The following TRPM4 variants were observed in gnomAD, a reference collection of about 807,000 sequenced individuals.
TRPM4 encodes the protein transient receptor potential cation channel subfamily M member 4.
Under a neutral mutation model 135.6 loss-of-function variants are expected in TRPM4, and 124 were observed. That is an observed-to-expected ratio of 0.91 (90% CI 0.79 to 1.06). TRPM4 has a LOEUF of 1.06. Ranked by LOEUF, TRPM4 falls within the 50% of genes least tolerant of loss-of-function variation. The probability of loss-of-function intolerance (pLI) is 0.00; values close to 1 mark genes in which losing one functional copy is unlikely to be tolerated. For synonymous variants in TRPM4, 745 were observed against 705.6 expected, an observed-to-expected ratio of 1.06 and a Z score of -0.88; for missense variants, 1,658 against 1,671.4, an observed-to-expected ratio of 0.99 and a Z score of 0.14.
At chr19:49,193,101 G>A in intron 16 of TRPM4, among the ~76,000 whole-genome samples, 1 of 123,760 alleles carries the variant, frequency 8.1e-6, no homozygotes, top group Non-Finnish European at 1.7e-5. Context: ...TTTTTTTTGA[G>A]ATGGAGTCTT....
intron 12 of TRPM4, 134 bp downstream of exon 12, chr19:49,183,346 A>G: frequency 1.9e-6 from 2 of 1,061,398 alleles, no homozygotes; most frequent in South Asian, 1.3e-5. Context: ...TCGCTGATAT[A>G]TGCCTCCAAC....
rs780497413 is a variant in TRPM4 at position 49,181,308 on chromosome 19, C to T, written c.1151-41C>T. 4 of 1,450,380 alleles carry T rather than the reference C, an allele frequency of 2.8e-6. No individual in the cohort carries two copies. The South Asian group carries it at 4.6e-5, about 17-fold the overall frequency. 89.8% of individuals were successfully genotyped at this position (1,450,380 alleles called of 1,614,324 possible). ...AATAGACATTCAGCAGATGTCCCTCCTCCCCTGACTTCTTGTCCCCTCTCC... is the reference window on the plus strand; with the variant it reads ...AATAGACATTCAGCAGATGTCCCTCTTCCCCTGACTTCTTGTCCCCTCTCC... On this transcript the variant is annotated intron_variant, in intron 9 of 24. Transcript: ENST00000252826.
At chr19:49,161,052 A>G (rs971188794) in intron 2 of TRPM4, among the ~76,000 whole-genome samples, 6 of 151,994 alleles carry the variant, frequency 3.9e-5, no homozygotes, top group African/African-American at 4.8e-5. Context: ...GCTGAGTGCA[A>G]TGTGGGAATC....
chr19:49,198,041 G>A (rs1368328774), intron 17 of TRPM4, among the ~76,000 whole-genome samples: 1 of 152,080 alleles, frequency 6.6e-6, no homozygotes, highest in Admixed American at 6.6e-5. Context: ...ATGGTTGACA[G>A]TGATGACAGT....
Position 49,168,032 on chromosome 19 carries a change from C to T in TRPM4, c.383C>T (p.Pro128Leu), listed in dbSNP as rs577218535. 2 of 1,613,114 alleles carry T rather than the reference C, an allele frequency of 1.2e-6. No homozygotes were observed. The highest frequency in any genetic ancestry group is 2.7e-5 in the African/African-American group (2 of 75,052). Reference protein sequence around the residue: ...VVSVLGGSGGPVLQTWLQDLL... With the variant: ...VVSVLGGSGGLVLQTWLQDLL... ...TCAGTGCTGGGGGGATCGGGGGGCC[C>T]CGTCCTCCAGACCTGGCTGCAGGAC... The change falls in exon 4 of 25, where the codon CCC (proline) becomes CTC (leucine). Residue 128 changes from proline to leucine, a missense_variant. By Grantham distance (98) the Pro-to-Leu change is moderately conservative. Coordinates refer to ENST00000252826, the MANE Select transcript of TRPM4 (RefSeq NM_017636.4).
intron 9 of TRPM4, among the ~76,000 whole-genome samples, chr19:49,179,291 G>A (rs147508558): frequency 1.5e-3 from 224 of 151,536 alleles, no homozygotes; most frequent in African/African-American, 5.1e-3. Flanking sequence ...CTGACCTCAG[G>A]TGATTCGCCC....
chr19:49,167,209 G>C (rs1419914869), intron 3 of TRPM4, among the ~76,000 whole-genome samples: 1 of 137,804 alleles, frequency 7.3e-6, no homozygotes, highest in Non-Finnish European at 1.5e-5. Flanking sequence ...CTCTCTCTCT[G>C]GGTCTCTGTC....
intron 2 of TRPM4, among the ~76,000 whole-genome samples, chr19:49,160,807 C>T (rs780214522): frequency 3.3e-5 from 5 of 151,144 alleles, no homozygotes; most frequent in Non-Finnish European, 7.4e-5. Context: ...AGCGTCTGAG[C>T]GGGAGGGGTA....
chr19:49,170,419 C>T (rs1030290816), intron 6 of TRPM4, among the ~76,000 whole-genome samples: 3 of 151,738 alleles, frequency 2.0e-5, no homozygotes, highest in Non-Finnish European at 4.4e-5. Context: ...GAACTCTTGA[C>T]CTCAGGTGAT....
intron 20 of TRPM4, 102 bp downstream of exon 20, chr19:49,202,243 A>T: frequency 7.3e-7 from 1 of 1,374,132 alleles, no homozygotes. Context: ...TAGTCCCTGA[A>T]CTCTGATCCA....
chr19:49,196,729 A>C lies in TRPM4; in HGVS notation c.2500A>C (p.Ser834Arg). ...LLCEELRQGL[S>R]GGGGSLASGG... ...GTGCGAGGAACTGCGCCAGGGCCTG[A>C]GCGGAGGCGGGGGCAGCCTCGCCAG... is the stretch of plus-strand genomic sequence containing the variant. The change falls in exon 17 of 25, where the codon AGC becomes CGC. Residue 834 changes from serine to arginine, a missense_variant. Ser to Arg is a moderately radical substitution (Grantham distance 110). Coordinates refer to ENST00000252826, the MANE Select transcript of TRPM4 (RefSeq NM_017636.4). 1.3e-6 allele frequency: 2 copies of C among 1,552,180 alleles called. No individual in the cohort carries two copies. The highest frequency in any genetic ancestry group is 1.7e-6 in the Non-Finnish European group (2 of 1,155,392).
chr19:49,180,814 A>G (rs1967889413), intron 9 of TRPM4, among the ~76,000 whole-genome samples: 1 of 151,248 alleles, frequency 6.6e-6, no homozygotes, highest in Admixed American at 6.6e-5. Context: ...CTATCCATCT[A>G]TCCACCCTGT....
Position 49,172,009 on chromosome 19 carries a change from G to A in TRPM4, c.1051G>A (p.Val351Met), listed in dbSNP as rs761344945. The change falls in exon 9 of 25, where the codon GTG (valine) becomes ATG (methionine). Residue 351 changes from valine to methionine, a missense_variant and splice_region_variant. By Grantham distance (21) the Val-to-Met change is conservative (BLOSUM62 1). Around this residue, in one of 3 missense-constraint regions of TRPM4, gnomAD observed 1,412 missense variants for 1,408.7 expected, o/e 1.00. Transcript: ENST00000252826. ...KGDLEVLQAQ[V>M]ERIMTRKELL... ...GGATGCAGAACTGGCTATTCCACAG[G>A]TGGAGAGGATTATGACCCGGAAGGA... 5.0e-6 allele frequency: 8 copies of A among 1,613,482 alleles called. No individual in the cohort carries two copies. The Admixed American group carries it at 1.0e-4, about 20-fold the overall frequency.
chr19:49,201,020 T>C (rs948988244), intron 19 of TRPM4, among the ~76,000 whole-genome samples: 2 of 151,974 alleles, frequency 1.3e-5, no homozygotes, highest in Non-Finnish European at 2.9e-5. Flanking sequence ...TTCTTTTTTT[T>C]TGAGATGGAT....
At chr19:49,189,754 C>T (rs538987603) in intron 14 of TRPM4, among the ~76,000 whole-genome samples, 1 of 152,226 alleles carries the variant, frequency 6.6e-6, no homozygotes, top group East Asian at 1.9e-4. Flanking sequence ...ACAGGAAGTC[C>T]CATCCTCATC....
chr19:49,201,439 G>T (rs1968931368), intron 19 of TRPM4, among the ~76,000 whole-genome samples: 1 of 152,168 alleles, frequency 6.6e-6, no homozygotes, highest in African/African-American at 2.4e-5. Flanking sequence ...CAAATATTTA[G>T]GCTAAATTGT....
chr19:49,167,707 C>T lies in TRPM4; in HGVS notation c.268-210C>T, dbSNP rs868011539. On this transcript the variant is annotated intron_variant, in intron 3 of 24. Coordinates refer to ENST00000252826, the MANE Select transcript of TRPM4 (RefSeq NM_017636.4). ...CCCTCTCTCTCTGGGTCTCTGTCCC[C>T]ATCTCTCTGGGTCTCTGTCCCTCTC... The T allele has an allele frequency of 6.8e-5, 27 of 397,176 alleles. 3 individuals are homozygous for T. The East Asian group carries it at 7.4e-4, about 11-fold the overall frequency. 24.6% of individuals were successfully genotyped at this position (397,176 alleles called of 1,614,324 possible).
chr19:49,189,665 T>A (rs530696919), intron 14 of TRPM4, among the ~76,000 whole-genome samples: 2 of 152,222 alleles, frequency 1.3e-5, no homozygotes, highest in East Asian at 3.9e-4. Context: ...AAGTTGACAT[T>A]TTGGAAACAT....
At chr19:49,208,452 C>T (rs1422935440) in intron 20 of TRPM4, among the ~76,000 whole-genome samples, 1 of 152,210 alleles carries the variant, frequency 6.6e-6, no homozygotes, top group Middle Eastern at 3.4e-3. Context: ...CTGGCGTTAC[C>T]GCTAGACCAA....
Sources: gnomAD v4.1 joint callset for allele counts (sites outside exome capture counted in the v4.1 genomes callset) on GRCh38, gnomAD v4.1.1 for gene constraint, gnomAD v4.1.1 regional missense constraint, MANE v1.5 for transcripts, NCBI Gene and HGNC (gene_info 2026-07-23, HGNC 2026-07-21) for gene names.